Variants in PEAK1 observed in about 807,000 individuals in gnomAD.
PEAK1 encodes the protein inactive tyrosine-protein kinase PEAK1.
A neutral mutation model predicts 124.7 loss-of-function variants in PEAK1; 54 were observed. The ratio of observed to expected loss-of-function variants is 0.43; its 90% CI spans 0.35 to 0.54. The LOEUF (loss-of-function observed/expected upper bound fraction) is 0.54. Among genes scored for constraint, PEAK1 ranks in the 20% least tolerant of loss-of-function variants. The probability of loss-of-function intolerance (pLI) is 0.01; values close to 1 mark genes in which losing one functional copy is unlikely to be tolerated. For missense variants in PEAK1, 2,046 were observed against 2,134.5 expected (o/e 0.96, Z 0.82); for synonymous variants, 719 against 760.0 (o/e 0.95, Z 0.89).
intron 5 of PEAK1, among the ~76,000 whole-genome samples, chr15:77,254,354 ATGTTCTTTTATAAAAAT>A (rs1332325428): frequency 6.6e-6 from 1 of 152,046 alleles, no homozygotes; most frequent in Non-Finnish European, 1.5e-5. Flanking sequence ...CATTCAGGAT[ATGTTCTTTTATAAAAAT>A]TTTTTCTCTT....
At chr15:77,251,814 T>C (rs768159569) in intron 6 of PEAK1, among the ~76,000 whole-genome samples, 11 of 152,174 alleles carry the variant, frequency 7.2e-5, no homozygotes, top group Non-Finnish European at 1.5e-4. Flanking sequence ...GACTCAGTGA[T>C]TACTACCCTT....
At chr15:77,135,559 T>C (rs1195437802) in intron 8 of PEAK1, among the ~76,000 whole-genome samples, 1 of 152,188 alleles carries the variant, frequency 6.6e-6, no homozygotes, top group African/African-American at 2.4e-5. Context: ...AACACAATGT[T>C]AATTACTTGA....
intron 2 of PEAK1, among the ~76,000 whole-genome samples, chr15:77,345,005 C>A (rs1015025418): frequency 2.0e-5 from 3 of 152,128 alleles, no homozygotes; most frequent in Non-Finnish European, 2.9e-5. Flanking sequence ...AATTTTACTT[C>A]TTCCTTTCTA....
chr15:77,403,962 G>C, intron 1 of PEAK1: 1 of 964,682 alleles, frequency 1.0e-6, no homozygotes, highest in South Asian at 4.8e-5. Context: ...TGGGTAAACT[G>C]CGTGTCACAA....
At chr15:77,400,736 G>T (rs1263669069) in intron 1 of PEAK1, among the ~76,000 whole-genome samples, 1 of 152,010 alleles carries the variant, frequency 6.6e-6, no homozygotes, top group Non-Finnish European at 1.5e-5. Context: ...TAAAAATACA[G>T]ACACAAAATA....
intron 6 of PEAK1, among the ~76,000 whole-genome samples, chr15:77,192,019 A>G (rs573057344): frequency 6.6e-6 from 1 of 152,222 alleles, no homozygotes; most frequent in Non-Finnish European, 1.5e-5. Context: ...TAACTGTAGA[A>G]AATCATGAGA....
intron 8 of PEAK1, among the ~76,000 whole-genome samples, chr15:77,141,891 G>GA (rs142297167): frequency 0.019 from 2,877 of 152,054 alleles, 103 homozygotes; most frequent in African/African-American, 0.066. Flanking sequence ...AAAACTCTTA[G>GA]AAAAAACGTA....
At chr15:77,256,725 T>A (rs538740725) in intron 5 of PEAK1, among the ~76,000 whole-genome samples, 19 of 152,270 alleles carry the variant, frequency 1.2e-4, no homozygotes, top group South Asian at 4.1e-4. Context: ...TAATTTTTTT[T>A]AAATTTTATT....
chr15:77,226,044 G>GATATATATAATATATATATATATAT (rs57675196), intron 6 of PEAK1, among the ~76,000 whole-genome samples: 13 of 44,982 alleles, frequency 2.9e-4, no homozygotes, highest in East Asian at 6.5e-4. Flanking sequence ...AAAATAAAGG[G>GATATATATAATATATATATATATAT]ATATATATAT....
downstream of PEAK1, chr15:77,107,176 T>C (rs1317231410): frequency 3.3e-5 from 5 of 152,312 alleles, no homozygotes; most frequent in Non-Finnish European, 7.3e-5. Context: ...CAGAAGCCAG[T>C]GTGTTGTGCT....
At chr15:77,246,147 T>G (rs1325338614) in intron 6 of PEAK1, among the ~76,000 whole-genome samples, 2 of 152,000 alleles carry the variant, frequency 1.3e-5, no homozygotes, top group Non-Finnish European at 2.9e-5. Context: ...TAGCTGGGAC[T>G]ACAGGCGCGT....
chr15:77,402,319 AG>A, intron 1 of PEAK1: 1 of 985,310 alleles, frequency 1.0e-6, no homozygotes, highest in Non-Finnish European at 1.2e-6. Context: ...CGGGGAGAAA[AG>A]GAGATCAAGG....
chr15:77,103,181 C>T (rs893038038), downstream of PEAK1: 2 of 152,194 alleles, frequency 1.3e-5, no homozygotes, highest in African/African-American at 4.8e-5. Context: ...GAGACAGGAT[C>T]TCACTTTGTT....
intron 2 of PEAK1, among the ~76,000 whole-genome samples, chr15:77,295,579 T>A (rs766920877): frequency 6.6e-6 from 1 of 152,206 alleles, no homozygotes; most frequent in Non-Finnish European, 1.5e-5. Flanking sequence ...ATGGAATTAC[T>A]TGATACTGAA....
chr15:77,234,702 C>A (rs2060041620), intron 6 of PEAK1, among the ~76,000 whole-genome samples: 1 of 151,908 alleles, frequency 6.6e-6, no homozygotes, highest in South Asian at 2.1e-4. Context: ...TGTGTAAGAT[C>A]ATAGCTCACT....
intron 2 of PEAK1, among the ~76,000 whole-genome samples, chr15:77,299,464 T>C (rs1162933371): frequency 2.6e-5 from 4 of 152,200 alleles, no homozygotes; most frequent in African/African-American, 9.6e-5. Flanking sequence ...AAATTAACAA[T>C]GATACATTAC....
At position 77,180,402 on chromosome 15, in the gene PEAK1, C is replaced by A; in HGVS notation, c.1525G>T (p.Val509Phe). The A allele has an allele frequency of 6.2e-7, 1 of 1,614,050 alleles. No individual in the cohort carries two copies. The highest frequency in any genetic ancestry group is 1.3e-5 in the African/African-American group (1 of 74,994). ...KSSSSTPNSP[V>F]TSSSLTPGQI... ...CCTGGTGTCAATGAAGATGATGTAACTGGAGAGTTTGGAGTAGAGGATGAG... is the reference window on the plus strand; with the variant it reads ...CCTGGTGTCAATGAAGATGATGTAAATGGAGAGTTTGGAGTAGAGGATGAG... The change falls in exon 7 of 10, where the codon GTT (valine) becomes TTT (phenylalanine). Residue 509 changes from valine (V) to phenylalanine (F), a missense_variant. Coordinates refer to ENST00000682557, the MANE Select transcript of PEAK1 (RefSeq NM_001385026.1).
intron 6 of PEAK1, among the ~76,000 whole-genome samples, chr15:77,202,394 A>G (rs138133001): frequency 6.6e-6 from 1 of 152,308 alleles, no homozygotes; most frequent in East Asian, 1.9e-4. Context: ...ATTAACACAT[A>G]TTTTGTACAT....
chr15:77,368,244 G>C (rs1186834364), intron 1 of PEAK1, among the ~76,000 whole-genome samples: 1 of 152,160 alleles, frequency 6.6e-6, no homozygotes, highest in Admixed American at 6.5e-5. Context: ...GGCCAGGCAT[G>C]GTGGCTCATG....
Sources: gnomAD v4.1 joint callset for allele counts (sites outside exome capture counted in the v4.1 genomes callset) on GRCh38, gnomAD v4.1.1 for gene constraint, MANE v1.5 for transcripts, NCBI Gene and HGNC (gene_info 2026-07-23, HGNC 2026-07-21) for gene names.